CACNA1B: variants seen among roughly 807,000 people sequenced by gnomAD.
CACNA1B encodes voltage-dependent N-type calcium channel subunit alpha-1B.
Under a neutral mutation model 247.2 loss-of-function variants are expected in CACNA1B, and 70 were observed. That is an observed-to-expected ratio of 0.28 (90% CI 0.23 to 0.35). The LOEUF is 0.35. Ranked by LOEUF, CACNA1B falls within the 10% of genes least tolerant of loss-of-function variation. CACNA1B has a pLI of 1.00. For missense variants in CACNA1B, 2,367 were observed against 3,197.4 expected, an observed-to-expected ratio of 0.74 and a Z score of 6.26; for synonymous variants, 1,231 against 1,294.4, an observed-to-expected ratio of 0.95 and a Z score of 1.05.
Position 138,050,949 on chromosome 9 carries a change from G to T in CACNA1B, c.3711-1143G>T, listed in dbSNP as rs1212131465. Among the ~76,000 whole-genome samples, 1 of 152,146 alleles carries T rather than the reference G, an allele frequency of 6.6e-6. No homozygotes were observed. Among genetic ancestry groups the T allele is most frequent in the Non-Finnish European group, 1.5e-5 (1 of 68,016 alleles). On this transcript the variant is annotated intron_variant, in intron 24 of 46. Transcript: ENST00000371372. This position sits in a 1 kb window ranked among gnomAD's most constrained non-coding sequence, Gnocchi z 5.2. Reference sequence around the variant, plus strand: ...ACGTGTAGCTCACTCTCCCTGCTCAGCCCCAAGTGTTGCTGGAGCCCCAGG... The same window carrying T: ...ACGTGTAGCTCACTCTCCCTGCTCATCCCCAAGTGTTGCTGGAGCCCCAGG...
intron 1 of CACNA1B, 32 bp downstream of exon 1, chr9:137,878,249 G>A: frequency 8.3e-7 from 1 of 1,209,332 alleles, no homozygotes; most frequent in Non-Finnish European, 1.0e-6. Context: ...GGCGGGGCCG[G>A]GCGGGGACCG....
chr9:137,911,727 T>C (rs1192528656), intron 3 of CACNA1B, among the ~76,000 whole-genome samples: 1 of 152,208 alleles, frequency 6.6e-6, no homozygotes, highest in East Asian at 1.9e-4. Flanking sequence ...CCGATATTTA[T>C]CCTATTTTTG....
At chr9:137,894,564 A>T (rs1957151042) in intron 3 of CACNA1B, among the ~76,000 whole-genome samples, 1 of 151,534 alleles carries the variant, frequency 6.6e-6, no homozygotes. Context: ...GCCCGCCACC[A>T]CGCCCGGCTC....
Position 138,059,669 on chromosome 9 carries a change from G to A in CACNA1B, c.4600G>A (p.Ala1534Thr), listed in dbSNP as rs1201366146. 1 of 1,603,422 alleles carries A rather than the reference G, an allele frequency of 6.2e-7. No individual in the cohort carries two copies. Among genetic ancestry groups the A allele is most frequent in the Non-Finnish European group, 8.5e-7 (1 of 1,170,220 alleles). Reference protein sequence around the residue: ...AFGVLNYFRDAWNVFDFVTVL... With the variant: ...AFGVLNYFRDTWNVFDFVTVL... ...TTTTCTCTAGAACTATTTCAGAGAT[G>A]CCTGGAATGTCTTTGACTTTGTCAC... Residue 1534 changes from alanine (A) to threonine (T), a missense_variant, in exon 31 of 47, where the codon GCC becomes ACC. This residue lies in a region of CACNA1B where 436 missense variants were observed against 679.5 expected (regional missense o/e 0.64). Transcript: ENST00000371372. This position sits in a 1 kb window ranked among gnomAD's most constrained non-coding sequence, Gnocchi z 4.2.
intron 35 of CACNA1B, 129 bp downstream of exon 35, chr9:138,076,039 C>G: frequency 1.5e-6 from 1 of 646,990 alleles, no homozygotes; most frequent in Admixed American, 2.4e-5. Context: ...ACTGGCTTCC[C>G]CTCAGCAGGC....
At position 137,888,294 on chromosome 9, in the gene CACNA1B, C is replaced by T. The variant is rs1172115105; in HGVS notation, c.530+5411C>T. 6.6e-6 allele frequency among the ~76,000 whole-genome samples: 1 copy of T among 151,866 alleles called. No individual in the cohort carries two copies. The highest frequency in any genetic ancestry group is 1.5e-5 in the Non-Finnish European group (1 of 67,898). On this transcript the variant is annotated intron_variant, in intron 3 of 46. Coordinates refer to ENST00000371372, the MANE Select transcript of CACNA1B (RefSeq NM_000718.4). This position sits in a 1 kb window ranked among gnomAD's most constrained non-coding sequence, Gnocchi z 4.7. Reference sequence around the variant, plus strand: ...CAGGTGCCTTTCCCCTTCCGTGCCCCAGCCAGTCTCACGTGCATCCACGCT... The same window carrying T: ...CAGGTGCCTTTCCCCTTCCGTGCCCTAGCCAGTCTCACGTGCATCCACGCT...
At position 137,879,168 on chromosome 9, in the gene CACNA1B, C is replaced by T. The variant is rs1956882026; in HGVS notation, c.390+9C>T. On this transcript the variant is annotated intron_variant, in intron 2 of 46. Coordinates refer to ENST00000371372, the MANE Select transcript of CACNA1B (RefSeq NM_000718.4). ...CCATGTCCGAGCGGCTGGTGAGTGC[C>T]CGGCTGGGCCTGAGGGCAGGGTGGT... 6.3e-7 allele frequency: 1 copy of T among 1,586,132 alleles called. No homozygotes were observed.
At chr9:138,001,468 G>T (rs1330780194) in intron 15 of CACNA1B, among the ~76,000 whole-genome samples, 3 of 152,092 alleles carry the variant, frequency 2.0e-5, no homozygotes, top group Non-Finnish European at 4.4e-5. Flanking sequence ...TCCCAATAAT[G>T]CTGTTATTTA....
At chr9:137,909,102 C>T (rs1957332051) in intron 3 of CACNA1B, among the ~76,000 whole-genome samples, 1 of 150,966 alleles carries the variant, frequency 6.6e-6, no homozygotes, top group Non-Finnish European at 1.5e-5. Context: ...GCGATTCTCC[C>T]ACCTCAGCCT....
At chr9:138,062,210 A>C (rs549328991) in intron 31 of CACNA1B, among the ~76,000 whole-genome samples, 1 of 151,900 alleles carries the variant, frequency 6.6e-6, no homozygotes, top group African/African-American at 2.4e-5. Flanking sequence ...TTTCCCCCCC[A>C]CACAGAGCTG....
At chr9:138,016,688 C>T (rs1029116232) in intron 18 of CACNA1B, among the ~76,000 whole-genome samples, 10 of 151,584 alleles carry the variant, frequency 6.6e-5, no homozygotes, top group African/African-American at 1.9e-4. Flanking sequence ...CCGCAGGGTG[C>T]GGGGGCACCC....
chr9:138,118,589 G>A (rs943015964), intron 43 of CACNA1B, 63 bp from the exon 44 acceptor site: 33 of 791,032 alleles, frequency 4.2e-5, no homozygotes, highest in Non-Finnish European at 6.6e-5. Flanking sequence ...GTGAGTCCGG[G>A]GTGGGATCAG....
chr9:137,989,434 G>A (rs1958406131), intron 15 of CACNA1B, among the ~76,000 whole-genome samples: 1 of 152,130 alleles, frequency 6.6e-6, no homozygotes, highest in South Asian at 2.1e-4. Flanking sequence ...CGAAAGAGAG[G>A]GTGGCCAGTG....
intron 11 of CACNA1B, among the ~76,000 whole-genome samples, chr9:137,975,225 C>G (rs1225881486): frequency 2.0e-5 from 3 of 152,176 alleles, no homozygotes; most frequent in Non-Finnish European, 1.5e-5. Context: ...GACAGCCCCC[C>G]TCCACTGCTG....
intron 21 of CACNA1B, among the ~76,000 whole-genome samples, chr9:138,045,955 AG>A (rs1959181411): frequency 6.6e-6 from 1 of 152,060 alleles, no homozygotes. Flanking sequence ...CACGCCTGCG[AG>A]GCAGGGGAGG....
At chr9:137,980,143 A>G (rs1392380082) in intron 12 of CACNA1B, among the ~76,000 whole-genome samples, 2 of 152,088 alleles carry the variant, frequency 1.3e-5, no homozygotes. Flanking sequence ...TTCGTTTTGT[A>G]TTGTCTTGAT....
chr9:138,036,780 A>G (rs367927247), intron 20 of CACNA1B, among the ~76,000 whole-genome samples: 32 of 152,304 alleles, frequency 2.1e-4, no homozygotes, highest in African/African-American at 7.7e-4. Flanking sequence ...CATTTTGCCA[A>G]TGTTGTTTCA....
intron 6 of CACNA1B, among the ~76,000 whole-genome samples, chr9:137,938,440 A>G (rs1335289733): frequency 6.6e-6 from 1 of 152,194 alleles, no homozygotes; most frequent in Non-Finnish European, 1.5e-5. Flanking sequence ...TAAATGGCCT[A>G]AATGCTCCAC....
chr9:138,066,702 A>G (rs1160154070), intron 31 of CACNA1B, among the ~76,000 whole-genome samples: 1 of 152,216 alleles, frequency 6.6e-6, no homozygotes, highest in Non-Finnish European at 1.5e-5. Flanking sequence ...AAAACAATGA[A>G]AATACTGTAT....
Sources: gnomAD v4.1 joint callset for allele counts (sites outside exome capture counted in the v4.1 genomes callset) on GRCh38, gnomAD v4.1.1 for gene constraint, gnomAD v4.1.1 regional missense constraint, Gnocchi (gnomAD v3.1) non-coding constraint, MANE v1.5 for transcripts, NCBI Gene and HGNC (gene_info 2026-07-23, HGNC 2026-07-21) for gene names.